The following CFAP47 variants were observed in gnomAD, a reference collection of about 807,000 sequenced individuals.
The protein encoded by CFAP47 is cilia- and flagella-associated protein 47.
Under a neutral mutation model 148.1 loss-of-function variants are expected in CFAP47, and 29 were observed. The ratio of observed to expected loss-of-function variants is 0.20; its 90% CI spans 0.15 to 0.27. The LOEUF (loss-of-function observed/expected upper bound fraction) is 0.27, where lower values mean the gene tolerates loss of function less well. CFAP47 is among the 10% of genes least tolerant of loss of function. The pLI is 1.00. For synonymous variants in CFAP47, 664 were observed against 577.3 expected (o/e 1.15, Z -2.15); for missense variants, 1,872 against 1,697.5 (o/e 1.10, Z -1.81).
chrX:36,018,137 G>A (rs1937117861), intron 22 of CFAP47, among the ~76,000 whole-genome samples: 2 of 111,378 alleles, frequency 1.8e-5, no homozygotes, highest in African/African-American at 6.5e-5. Flanking sequence ...ATTGTAAATG[G>A]GAATACTTTT....
chrX:36,285,958 TTCTA>T (rs1411689458), intron 51 of CFAP47, among the ~76,000 whole-genome samples: 4 of 111,805 alleles, frequency 3.6e-5, no homozygotes, highest in East Asian at 2.8e-4. Context: ...TTGATTAGCA[TTCTA>T]TCTGTTTCAA....
chrX:35,937,240 C>T (rs1408671103), intron 2 of CFAP47, among the ~76,000 whole-genome samples: 1 of 106,881 alleles, frequency 9.4e-6, no homozygotes, highest in Non-Finnish European at 1.9e-5. Context: ...GAGTGCTTCC[C>T]CTTGTCACTT....
intron 33 of CFAP47, among the ~76,000 whole-genome samples, chrX:36,105,685 C>A (rs1477681624): frequency 2.7e-5 from 3 of 111,611 alleles, no homozygotes; most frequent in Non-Finnish European, 5.7e-5. Context: ...AATATATTTG[C>A]CCCATTAAAA....
Position 36,063,102 on chromosome X carries a change from G to A in CFAP47, c.4218-2541G>A, listed in dbSNP as rs1408507464. Among the ~76,000 whole-genome samples the A allele has an allele frequency of 9.0e-5, 10 of 111,625 alleles. No homozygotes were observed. The Admixed American group carries it at 9.6e-4, about 11-fold the overall frequency. On this transcript the variant is annotated intron_variant, in intron 26 of 63. Transcript: ENST00000378653. ...ACTATTTTAAATCACATATGCCTGAGGTAGCTATTTAAATCTTATAATGGA... is the reference window on the plus strand; with the variant it reads ...ACTATTTTAAATCACATATGCCTGAAGTAGCTATTTAAATCTTATAATGGA...
chrX:36,379,743 T>G, intron 63 of CFAP47: 1 of 325,272 alleles, frequency 3.1e-6, no homozygotes, highest in East Asian at 5.6e-5. Flanking sequence ...TAGAGGAAAG[T>G]TAAAAAAAAT....
intron 22 of CFAP47, among the ~76,000 whole-genome samples, chrX:36,016,701 C>CTTT (rs1281064323): frequency 3.4e-3 from 183 of 54,330 alleles, no homozygotes; most frequent in Middle Eastern, 0.014. Flanking sequence ...TTATGCCAGT[C>CTTT]TTTTTTTTTT....
chrX:35,962,908 C>T (rs1936350071), intron 8 of CFAP47, among the ~76,000 whole-genome samples: 1 of 104,122 alleles, frequency 9.6e-6, no homozygotes, highest in African/African-American at 3.6e-5. Context: ...TTTCATTCCC[C>T]TTGGATAAAT....
At chrX:35,969,614 C>T (rs1401498074) in intron 10 of CFAP47, among the ~76,000 whole-genome samples, 1 of 111,529 alleles carries the variant, frequency 9.0e-6, no homozygotes, top group Non-Finnish European at 1.9e-5. Flanking sequence ...GCATTTACAC[C>T]ACTACTTCTT....
At chrX:36,356,585 T>C (rs1941787813) in intron 60 of CFAP47, among the ~76,000 whole-genome samples, 1 of 111,026 alleles carries the variant, frequency 9.0e-6, no homozygotes, top group Non-Finnish European at 1.9e-5. Flanking sequence ...CACCTTTTTC[T>C]TTATGAAAGG....
chrX:35,955,911 T>C, intron 7 of CFAP47, 50 bp from the exon 8 acceptor site: 1 of 1,191,037 alleles, frequency 8.4e-7, no homozygotes, highest in African/African-American at 1.8e-5. Context: ...AAATATATTC[T>C]GGATTCCCCA....
At chrX:36,170,866 C>A (rs1237485122) in intron 39 of CFAP47, among the ~76,000 whole-genome samples, 6 of 105,479 alleles carry the variant, frequency 5.7e-5, no homozygotes, top group Non-Finnish European at 1.2e-4. Flanking sequence ...CCTGAGGAAT[C>A]GCCACACTGA....
At chrX:36,126,014 G>A in intron 33 of CFAP47, among the ~76,000 whole-genome samples, 1 of 109,134 alleles carries the variant, frequency 9.2e-6, no homozygotes, top group Non-Finnish European at 1.9e-5. Flanking sequence ...ACTATTAGAT[G>A]GATAAATACC....
intron 57 of CFAP47, among the ~76,000 whole-genome samples, chrX:36,333,377 G>A (rs1388741935): frequency 3.6e-5 from 4 of 110,360 alleles, no homozygotes; most frequent in Non-Finnish European, 5.7e-5. Flanking sequence ...ACTCTTCCCT[G>A]AGAAGATACT....
chrX:35,982,133 C>A (rs748350782), intron 15 of CFAP47, among the ~76,000 whole-genome samples: 97 of 111,953 alleles, frequency 8.7e-4, no homozygotes, highest in African/African-American at 3.1e-3. Flanking sequence ...CTCCAACCAG[C>A]AGTGCATAAG....
chrX:35,946,240 A>G (rs1053026639), intron 3 of CFAP47, among the ~76,000 whole-genome samples: 4 of 111,966 alleles, frequency 3.6e-5, no homozygotes, highest in African/African-American at 1.3e-4. Context: ...TAGCAATTTA[A>G]AAAGCCAAAC....
intron 33 of CFAP47, among the ~76,000 whole-genome samples, chrX:36,131,273 C>T (rs1052801851): frequency 3.6e-5 from 4 of 110,929 alleles, no homozygotes; most frequent in African/African-American, 6.5e-5. Flanking sequence ...TCATAGAAAT[C>T]GGAAACCTCA....
chrX:36,300,174 G>A (rs1373241290), intron 52 of CFAP47, among the ~76,000 whole-genome samples: 1 of 111,220 alleles, frequency 9.0e-6, no homozygotes, highest in African/African-American at 3.3e-5. Context: ...AACTGTAAGA[G>A]GTAAGATTGA....
At position 36,280,610 on chromosome X, in the gene CFAP47, T is replaced by C. The variant is rs1556003452; in HGVS notation, c.7568T>C (p.Ile2523Thr). 4.0e-6 allele frequency: 2 copies of C among 498,640 alleles called. No individual in the cohort carries two copies. The highest frequency in any genetic ancestry group is 5.5e-5 in the South Asian group (2 of 36,548). 41.1% of individuals were successfully genotyped at this position (498,640 alleles called of 1,213,427 possible). Residue 2523 changes from isoleucine to threonine, a missense_variant, in exon 50 of 64, where the codon ATT (isoleucine) becomes ACT (threonine). Physicochemically the swap from Ile to Thr is moderately conservative, Grantham distance 89. Transcript: ENST00000378653. ...GATTCAATAACAGAACAATCTAGCA[T>C]TTTGGATGATGCAGACACATGTAAG... The part of the protein sequence containing the change: ...CLDSITEQSS[I>T]LDDADTYGNF...
At chrX:36,121,286 T>A (rs996565074) in intron 33 of CFAP47, among the ~76,000 whole-genome samples, 9 of 111,170 alleles carry the variant, frequency 8.1e-5, no homozygotes, top group Non-Finnish European at 1.5e-4. Flanking sequence ...CATCATCAAA[T>A]CATTGAGTAT....
Sources: allele counts gnomAD v4.1 joint callset (sites outside exome capture counted in the v4.1 genomes callset), GRCh38; gene constraint gnomAD v4.1.1; transcripts MANE v1.5; gene names NCBI Gene and HGNC (gene_info 2026-07-23, HGNC 2026-07-21).